The following ANAPC7 variants were observed in gnomAD, a reference collection of about 807,000 sequenced individuals.
The protein encoded by ANAPC7 is anaphase promoting complex subunit 7, also known as anaphase-promoting complex subunit 7.
ANAPC7 carries 25 observed loss-of-function variants against 63.3 expected under a neutral mutation model. That is an observed-to-expected ratio of 0.39 (90% CI 0.29 to 0.55). The LOEUF is 0.55. ANAPC7 is among the 20% of genes least tolerant of loss of function. The pLI is 0.57. For missense variants in ANAPC7, 516 were observed against 691.7 expected, an observed-to-expected ratio of 0.75 and a Z score of 2.85; for synonymous variants, 241 against 251.7, an observed-to-expected ratio of 0.96 and a Z score of 0.40.
intron 5 of ANAPC7, 60 bp from the exon 6 acceptor site, chr12:110,386,529 G>C: frequency 1.4e-6 from 2 of 1,388,292 alleles, no homozygotes; most frequent in South Asian, 1.3e-5. Flanking sequence ...CTTAGTTGCT[G>C]AATCTGGATG....
chr12:110,385,680 C>T (rs1357288861), intron 6 of ANAPC7, among the ~76,000 whole-genome samples: 2 of 152,196 alleles, frequency 1.3e-5, no homozygotes, highest in Non-Finnish European at 2.9e-5. Context: ...CCATCATTCC[C>T]CTGGCTTAAG....
At position 110,395,235 on chromosome 12, in the gene ANAPC7, A is replaced by G; in HGVS notation, c.289-15T>C. The G allele has an allele frequency of 1.9e-6, 3 of 1,601,354 alleles. No homozygotes were observed. Among genetic ancestry groups the G allele is most frequent in the Non-Finnish European group, 2.6e-6 (3 of 1,173,440 alleles). On this transcript the variant is annotated splice_polypyrimidine_tract_variant and intron_variant, in intron 2 of 10. Transcript: ENST00000455511. ...GATGGAAGACACTAAAAGACAATGG[A>G]AATATTTCTTTGAAACGTTATTCCA...
chr12:110,394,985 A>C, intron 3 of ANAPC7, 116 bp downstream of exon 3: 1 of 1,266,516 alleles, frequency 7.9e-7, no homozygotes, highest in Non-Finnish European at 1.1e-6. Context: ...GAAGAAAATG[A>C]GAATTAGAAT....
chr12:110,377,401 T>C lies in ANAPC7; in HGVS notation c.1349A>G (p.Glu450Gly), dbSNP rs1881388879. 6.2e-7 allele frequency: 1 copy of C among 1,613,234 alleles called. No individual in the cohort carries two copies. The highest frequency in any genetic ancestry group is 8.5e-7 in the Non-Finnish European group (1 of 1,179,438). The change falls in exon 9 of 11, where the codon GAA becomes GGA. Residue 450 changes from glutamate (E) to glycine (G), a missense_variant. Transcript: ENST00000455511. ...AAATAAGACACACTTACTAAGTAGTTCTGCTTTTTTCACCACAGCCTTAAT... is the reference window on the plus strand; with the variant it reads ...AAATAAGACACACTTACTAAGTAGTCCTGCTTTTTTCACCACAGCCTTAAT... The part of the protein sequence containing the change: ...DYIKAVVKKA[E>G]LLSREQKYED...
At chr12:110,389,368 C>T (rs1882905119) in intron 3 of ANAPC7, among the ~76,000 whole-genome samples, 1 of 152,034 alleles carries the variant, frequency 6.6e-6, no homozygotes, top group Non-Finnish European at 1.5e-5. Flanking sequence ...TCAGTTTTTC[C>T]TAATAAGGAA....
chr12:110,376,146 G>A lies in ANAPC7; in HGVS notation c.1428C>T (p.Val476=). Residue 476 remains valine, a synonymous_variant, in exon 10 of 11, where the codon GTC becomes GTT. Transcript: ENST00000455511. ...RNALANQSDC[V]LHRILGDFLV... The stretch of plus-strand genomic sequence containing the variant: ...GGAAATCTCCTAGGATCCGATGCAG[G>A]ACACAGTCACTCTGATTAGCCAGTG... The A allele has an allele frequency of 1.9e-6, 3 of 1,614,080 alleles. No individual in the cohort carries two copies. Among genetic ancestry groups the A allele is most frequent in the Non-Finnish European group, 2.5e-6 (3 of 1,180,020 alleles).
At chr12:110,376,806 T>C (rs1366670239) in intron 9 of ANAPC7, among the ~76,000 whole-genome samples, 2 of 151,032 alleles carry the variant, frequency 1.3e-5, no homozygotes, top group Admixed American at 1.3e-4. Flanking sequence ...CTCCAACTAA[T>C]TCAGGACAAC....
chr12:110,401,434 A>G (rs1220914022), intron 1 of ANAPC7, among the ~76,000 whole-genome samples: 1 of 152,172 alleles, frequency 6.6e-6, no homozygotes, highest in Non-Finnish European at 1.5e-5. Flanking sequence ...TGCGAAGGGT[A>G]GAAAAGTGGG....
intron 3 of ANAPC7, among the ~76,000 whole-genome samples, chr12:110,388,868 C>T (rs1281480097): frequency 6.6e-6 from 1 of 152,006 alleles, no homozygotes; most frequent in Non-Finnish European, 1.5e-5. Context: ...ATCACGAGGT[C>T]AGGAGATTGA....
At chr12:110,401,375 ATG>A (rs1042792789) in intron 1 of ANAPC7, among the ~76,000 whole-genome samples, 1 of 152,180 alleles carries the variant, frequency 6.6e-6, no homozygotes, top group African/African-American at 2.4e-5. Context: ...CTCAATAAGC[ATG>A]TGAGTGCTTA....
chr12:110,383,875 CAAAAAAAAAAA>C (rs1159374781), intron 6 of ANAPC7, among the ~76,000 whole-genome samples: 15 of 50,678 alleles, frequency 3.0e-4, no homozygotes, highest in Admixed American at 2.2e-3. Context: ...GACTCCGTCT[CAAAAAAAAAAA>C]AAAAAAAAAA....
intron 10 of ANAPC7, among the ~76,000 whole-genome samples, chr12:110,375,131 T>C (rs1881145727): frequency 6.6e-6 from 1 of 152,192 alleles, no homozygotes; most frequent in South Asian, 2.1e-4. Flanking sequence ...TCTACCGATA[T>C]AAATGCGGAC....
chr12:110,387,287 C>A (rs58225143), intron 5 of ANAPC7: 2 of 49,010 alleles, frequency 4.1e-5, no homozygotes, highest in African/African-American at 1.7e-4. Context: ...GAGAGAGAGA[C>A]AGAGAGAGAG....
intron 5 of ANAPC7, 159 bp downstream of exon 5, chr12:110,387,580 C>T (rs1882728362): frequency 3.9e-6 from 3 of 767,884 alleles, no homozygotes; most frequent in South Asian, 1.9e-5. Context: ...TACATGATTA[C>T]ATTTGGGACC....
At chr12:110,382,781 A>T in intron 7 of ANAPC7, 62 bp downstream of exon 7, 1 of 1,383,226 alleles carries the variant, frequency 7.2e-7, no homozygotes, top group Admixed American at 1.9e-5. Flanking sequence ...ATTCTCTTCA[A>T]GAGCAACCAT....
intron 10 of ANAPC7, among the ~76,000 whole-genome samples, chr12:110,375,181 C>T (rs1303722102): frequency 2.6e-5 from 4 of 152,182 alleles, no homozygotes; most frequent in Non-Finnish European, 1.5e-5. Context: ...TGAAGCCTTC[C>T]ACATCCTGTA....
intron 6 of ANAPC7, among the ~76,000 whole-genome samples, chr12:110,383,485 T>C: frequency 6.6e-6 from 1 of 152,006 alleles, no homozygotes; most frequent in African/African-American, 2.4e-5. Flanking sequence ...ACACCTGTAA[T>C]CCTGGCACTC....
intron 5 of ANAPC7, chr12:110,387,379 G>A (rs868254930): frequency 8.9e-6 from 1 of 111,774 alleles, no homozygotes; most frequent in Non-Finnish European, 1.8e-5. Context: ...GAGAGAGAGA[G>A]AGACAGAGAG....
At position 110,381,931 on chromosome 12, in the gene ANAPC7, C is replaced by T; in HGVS notation, c.953G>A (p.Ser318Asn). 2 of 866,650 alleles carry T rather than the reference C, an allele frequency of 2.3e-6. No individual in the cohort carries two copies. Among genetic ancestry groups the T allele is most frequent in the Non-Finnish European group, 1.7e-6 (1 of 585,448 alleles). The allele number at this position is 866,650 out of a possible 1,614,324, so 53.7% of individuals were successfully genotyped here. ...ATAGAGGGCCCGGGAGTAGCGTTTG[C>T]TATAGAAGCTGTGACAGCTGGAGAA... ...WVVSGCHSFY[S>N]KRYSRALYLG... The change falls in exon 8 of 11, where the codon AGC becomes AAC. Residue 318 changes from serine (S) to asparagine (N), a missense_variant. Transcript: ENST00000455511.
Sources: allele counts gnomAD v4.1 joint callset (sites outside exome capture counted in the v4.1 genomes callset), GRCh38; gene constraint gnomAD v4.1.1; transcripts MANE v1.5; gene names NCBI Gene and HGNC (gene_info 2026-07-23, HGNC 2026-07-21).